The following LIPA variants were observed in gnomAD, a reference collection of about 807,000 sequenced individuals.
LIPA encodes the protein lipase A, lysosomal acid type.
A neutral mutation model predicts 40.6 loss-of-function variants in LIPA; 26 were observed. That is an observed-to-expected ratio of 0.64 (90% confidence interval 0.47 to 0.89). The LOEUF is 0.89. Ranked by LOEUF, LIPA falls within the 40% of genes least tolerant of loss-of-function variation. The pLI is 0.00. For missense variants in LIPA, 455 were observed against 479.6 expected, an observed-to-expected ratio of 0.95 and a Z score of 0.48; for synonymous variants, 188 against 168.4, an observed-to-expected ratio of 1.12 and a Z score of -0.90.
At chr10:89,329,858 C>T (rs755028712) in intron 1 of LIPA, among the ~76,000 whole-genome samples, 3 of 151,604 alleles carry the variant, frequency 2.0e-5, no homozygotes, top group African/African-American at 2.4e-5. Flanking sequence ...GGGCTGAGTC[C>T]GAAAAGAAAG....
chr10:89,334,672 T>C (rs924951346), intron 1 of LIPA, among the ~76,000 whole-genome samples: 5 of 151,594 alleles, frequency 3.3e-5, no homozygotes, highest in Middle Eastern at 3.2e-3. Flanking sequence ...TTTGTGTTTT[T>C]AGTACAGGCG....
chr10:89,328,682 T>C (rs1341016297), intron 1 of LIPA, among the ~76,000 whole-genome samples: 1 of 152,232 alleles, frequency 6.6e-6, no homozygotes, highest in Non-Finnish European at 1.5e-5. Flanking sequence ...TCATTTCTTA[T>C]ATAAAAACAA....
At chr10:89,348,911 C>T (rs1322049527) in intron 2 of LIPA, among the ~76,000 whole-genome samples, 1 of 152,136 alleles carries the variant, frequency 6.6e-6, no homozygotes, top group Non-Finnish European at 1.5e-5. Flanking sequence ...ACATAAACTC[C>T]CACCTCTTTC....
chr10:89,357,648 C>G (rs1843995651), intron 2 of LIPA, among the ~76,000 whole-genome samples: 1 of 152,174 alleles, frequency 6.6e-6, no homozygotes, highest in Non-Finnish European at 1.5e-5. Flanking sequence ...CCAGACAAAA[C>G]TGACCTGAGG....
chr10:89,224,848 G>T (rs1442831194), intron 6 of LIPA, among the ~76,000 whole-genome samples: 1 of 152,192 alleles, frequency 6.6e-6, no homozygotes, highest in Admixed American at 6.5e-5. Flanking sequence ...CCTGTGAGGT[G>T]GGCAGAGCTG....
At chr10:89,271,084 G>A (rs1294699677) in intron 1 of LIPA, among the ~76,000 whole-genome samples, 1 of 152,212 alleles carries the variant, frequency 6.6e-6, no homozygotes, top group East Asian at 1.9e-4. Flanking sequence ...CAAGTCACAT[G>A]AGCAAGATTC....
intron 3 of LIPA, among the ~76,000 whole-genome samples, chr10:89,232,292 T>G (rs1228835062): frequency 1.3e-5 from 2 of 152,158 alleles, no homozygotes; most frequent in African/African-American, 4.8e-5. Context: ...TCTTTAGGTA[T>G]GTTGAGGCAC....
chr10:89,215,156 T>G (rs1328138811), intron 9 of LIPA, 95 bp from the exon 10 acceptor site: 1 of 905,278 alleles, frequency 1.1e-6, no homozygotes, highest in Non-Finnish European at 1.8e-6. Context: ...CATTGTCTAG[T>G]AAGTTTGACT....
At chr10:89,287,559 C>T (rs1397434170) in intron 1 of LIPA, among the ~76,000 whole-genome samples, 1 of 152,126 alleles carries the variant, frequency 6.6e-6, no homozygotes, top group Non-Finnish European at 1.5e-5. Context: ...TTCATGTCTT[C>T]CTTTCATATC....
chr10:89,275,839 G>A (rs1421636114), intron 1 of LIPA, among the ~76,000 whole-genome samples: 1 of 152,078 alleles, frequency 6.6e-6, no homozygotes, highest in Non-Finnish European at 1.5e-5. Flanking sequence ...CAGCTCTAGG[G>A]CTATCAGGTG....
chr10:89,367,153 C>T (rs1398021096), intron 2 of LIPA, among the ~76,000 whole-genome samples: 1 of 147,134 alleles, frequency 6.8e-6, no homozygotes, highest in African/African-American at 2.5e-5. Context: ...GAAAAGGGAA[C>T]ATCACACACC....
chr10:89,251,032 C>T (rs879442586), intron 1 of LIPA, among the ~76,000 whole-genome samples: 1 of 152,080 alleles, frequency 6.6e-6, no homozygotes, highest in Non-Finnish European at 1.5e-5. Context: ...AAGAGCAGTC[C>T]AACAGTTCAG....
intron 8 of LIPA, among the ~76,000 whole-genome samples, chr10:89,218,675 G>C (rs1323686229): frequency 6.6e-6 from 1 of 152,150 alleles, no homozygotes; most frequent in Admixed American, 6.5e-5. Context: ...GAGGTGACCG[G>C]GCTGCAACCA....
intron 1 of LIPA, chr10:89,342,503 T>C (rs1398839107): frequency 1.3e-5 from 2 of 152,162 alleles, no homozygotes; most frequent in African/African-American, 4.8e-5. Context: ...AGAAATACAA[T>C]TCCTGGGTTA....
intron 1 of LIPA, among the ~76,000 whole-genome samples, chr10:89,337,384 T>C (rs74459975): frequency 0.041 from 6,227 of 152,232 alleles, 418 homozygotes; most frequent in African/African-American, 0.14. Context: ...TGACTTGGTA[T>C]TTTTTAATTT....
At chr10:89,217,288 AT>A (rs1441729660) in intron 8 of LIPA, among the ~76,000 whole-genome samples, 1 of 152,264 alleles carries the variant, frequency 6.6e-6, no homozygotes, top group African/African-American at 2.4e-5. Context: ...ACAGAGTGAG[AT>A]GATATACTAT....
At chr10:89,334,602 T>C (rs1231212201) in intron 1 of LIPA, among the ~76,000 whole-genome samples, 3 of 148,000 alleles carry the variant, frequency 2.0e-5, no homozygotes, top group African/African-American at 5.0e-5. Context: ...TTCAAGCAAT[T>C]CTGCCTCGGC....
At chr10:89,252,221 C>A (rs1441415750), upstream of LIPA, among the ~76,000 whole-genome samples, 1 of 152,236 alleles carries the variant, frequency 6.6e-6, no homozygotes, top group Non-Finnish European at 1.5e-5. Context: ...TGATGCAAAG[C>A]AATCTTGCTG....
intron 1 of LIPA, chr10:89,413,019 C>G: frequency 5.7e-6 from 1 of 175,846 alleles, no homozygotes. Flanking sequence ...CCACCCCCAA[C>G]TCCAACAAGC....
Sources: allele counts gnomAD v4.1 joint callset (sites outside exome capture counted in the v4.1 genomes callset), GRCh38; gene constraint gnomAD v4.1.1; transcripts MANE v1.5; gene names NCBI Gene and HGNC (gene_info 2026-07-23, HGNC 2026-07-21).